Variants in CLSTN1 observed in about 807,000 individuals in gnomAD.
CLSTN1 encodes calsyntenin 1.
In CLSTN1, 28 loss-of-function variants were observed where a neutral mutation model predicts 108.3. The observed-to-expected ratio is 0.26, with a 90% CI of 0.19 to 0.35. The LOEUF is 0.35. CLSTN1 is among the 10% of genes least tolerant of loss of function. CLSTN1 has a pLI of 1.00. For missense variants in CLSTN1, 1,157 were observed against 1,302.6 expected, an observed-to-expected ratio of 0.89 and a Z score of 1.72; for synonymous variants, 524 against 534.9, an observed-to-expected ratio of 0.98 and a Z score of 0.28.
chr1:9,770,534 G>A (rs1364178062), intron 2 of CLSTN1, among the ~76,000 whole-genome samples: 1 of 152,162 alleles, frequency 6.6e-6, no homozygotes, highest in African/African-American at 2.4e-5. Flanking sequence ...CCCCCGACCA[G>A]CTACACGCCC....
intron 1 of CLSTN1, among the ~76,000 whole-genome samples, chr1:9,786,570 G>A (rs1653496587): frequency 6.6e-6 from 1 of 150,680 alleles, no homozygotes; most frequent in Non-Finnish European, 1.5e-5. Context: ...TTGGACCCGG[G>A]AGGTGGAGGT....
intron 1 of CLSTN1, among the ~76,000 whole-genome samples, chr1:9,809,235 G>A (rs938334341): frequency 2.0e-5 from 3 of 152,156 alleles, no homozygotes; most frequent in Non-Finnish European, 4.4e-5. Context: ...CAGCCCATCA[G>A]ACACACACCC....
In CLSTN1 at chr1:9,819,018, T is replaced by G. The variant is rs568485914; in HGVS notation, c.91+4625A>C. On this transcript the variant is annotated intron_variant, in intron 1 of 18. Transcript: ENST00000377298. ...ACCGTGTTAGCCAGGATGGTCTTGA[T>G]CTCCTGACCTCGTGATCCACCCACA... Among the ~76,000 whole-genome samples the G allele has an allele frequency of 1.5e-4, 23 of 151,558 alleles. No individual in the cohort carries two copies. The South Asian group carries it at 4.6e-3, about 30-fold the overall frequency.
intron 1 of CLSTN1, among the ~76,000 whole-genome samples, chr1:9,821,972 T>C (rs1246325278): frequency 6.6e-6 from 1 of 152,218 alleles, no homozygotes; most frequent in Non-Finnish European, 1.5e-5. Flanking sequence ...AGTTGAAATG[T>C]ATGCTGTTTA....
chr1:9,744,245 G>A (rs868216020), intron 8 of CLSTN1, 150 bp downstream of exon 8: 1 of 1,254,598 alleles, frequency 8.0e-7, no homozygotes, highest in Non-Finnish European at 1.1e-6. Flanking sequence ...CGTGGCTCTA[G>A]GGAACCAAGT....
chr1:9,793,363 G>C (rs1336233347), intron 1 of CLSTN1, among the ~76,000 whole-genome samples: 4 of 151,358 alleles, frequency 2.6e-5, no homozygotes, highest in Non-Finnish European at 5.9e-5. Context: ...AGATAGTAAA[G>C]AGCACGCCCC....
chr1:9,741,147 G>C lies in CLSTN1; in HGVS notation c.1466C>G (p.Pro489Arg). 2 of 1,614,078 alleles carry C rather than the reference G, an allele frequency of 1.2e-6. No homozygotes were observed. The highest frequency in any genetic ancestry group is 1.7e-6 in the Non-Finnish European group (2 of 1,180,002). Residue 489 changes from proline (P) to arginine (R), a missense_variant, in exon 10 of 19, where the codon CCG (proline) becomes CGG (arginine). By Grantham distance (103) the Pro-to-Arg change is moderately radical. Transcript: ENST00000377298. ...AGTTTCTATCTTGGATGGATGGAGC[G>C]GGTAATCCTCAGTCACAGAGAAGGG... The part of the protein sequence containing the change: ...HEPFSVTEDY[P>R]LHPSKIETQL...
rs1052864398 is a variant in CLSTN1 at position 9,729,357 on chromosome 1, C to G, written c.*1151G>C. On this transcript the variant is annotated 3_prime_UTR_variant, in exon 19 of 19. Transcript: ENST00000377298. ...CCATGACTGTTTGTTTGCTCTCCTG[C>G]CCTACCACCAAGCAAAGCAGCAGGG... 4 of 152,546 alleles carry G rather than the reference C, an allele frequency of 2.6e-5. No homozygotes were observed. The highest frequency in any genetic ancestry group is 4.4e-5 in the Non-Finnish European group (3 of 68,050). The allele number at this position is 152,546 out of a possible 1,614,324, so 9.4% of individuals were successfully genotyped here.
In CLSTN1 at chr1:9,744,463, G is replaced by A. The variant is rs1441242457; in HGVS notation, c.1166C>T (p.Ser389Leu). Residue 389 changes from serine (S) to leucine (L), a missense_variant, in exon 8 of 19, where the codon TCG (serine) becomes TTG (leucine). Coordinates refer to ENST00000377298, the MANE Select transcript of CLSTN1 (RefSeq NM_001009566.3). ...GAATGGCCCATGTCTCATCCACACCGAGATGGTGAACGGCTCTTTGGGGCT... is the reference window on the plus strand; with the variant it reads ...GAATGGCCCATGTCTCATCCACACCAAGATGGTGAACGGCTCTTTGGGGCT... The part of the protein sequence containing the change: ...SVSPKEPFTI[S>L]VWMRHGPFGR... The A allele has an allele frequency of 1.1e-5, 18 of 1,610,936 alleles. No homozygotes were observed. The highest frequency in any genetic ancestry group is 1.7e-5 in the Admixed American group (1 of 59,992).
rs75797805 is a variant in CLSTN1, at chr1:9,757,955, G to A, written c.215-1445C>T. Among the ~76,000 whole-genome samples the A allele has an allele frequency of 8.8e-3, 1,333 of 151,688 alleles. 14 individuals carry two copies. The highest frequency in any genetic ancestry group is 0.03 in the African/African-American group (1,243 of 41,338). On this transcript the variant is annotated intron_variant, in intron 2 of 18. Transcript: ENST00000377298. Reference sequence around the variant, plus strand: ...GTTGTTTCATTTTGCTTGGTTTTAAGGTTTTAAAAATGGTATCACATGGCA... The same window carrying A: ...GTTGTTTCATTTTGCTTGGTTTTAAAGTTTTAAAAATGGTATCACATGGCA...
intron 7 of CLSTN1, among the ~76,000 whole-genome samples, chr1:9,745,695 G>A (rs1651224325): frequency 6.7e-6 from 1 of 149,660 alleles, no homozygotes; most frequent in South Asian, 2.1e-4. Flanking sequence ...GTCCTGCTAT[G>A]TATGTGCATA....
At chr1:9,767,526 C>G (rs1652400506) in intron 2 of CLSTN1, among the ~76,000 whole-genome samples, 1 of 143,366 alleles carries the variant, frequency 7.0e-6, no homozygotes, top group African/African-American at 2.7e-5. Context: ...GCCTGGGCAA[C>G]AGAGCAAGAC....
chr1:9,735,908 C>T lies in CLSTN1; in HGVS notation c.1711G>A (p.Glu571Lys), dbSNP rs201640412. 1.6e-4 allele frequency: 263 copies of T among 1,614,110 alleles called. 1 individual carries two copies. The Middle Eastern group carries it at 2.1e-3, about 13-fold the overall frequency. The change falls in exon 12 of 19, where the codon GAA becomes AAA. Residue 571 changes from glutamate (E) to lysine (K), a missense_variant. Coordinates refer to ENST00000377298, the MANE Select transcript of CLSTN1 (RefSeq NM_001009566.3). ...ACCTGCACGCCTCTGCCACTGTCTT[C>T]GAGGACCTGCAGGTCCAGCCCCTCC... ...CKEGLDLQVL[E>K]DSGRGVQIQA...
intron 2 of CLSTN1, among the ~76,000 whole-genome samples, chr1:9,772,002 A>T (rs532197352): frequency 5.3e-5 from 8 of 149,710 alleles, no homozygotes; most frequent in Non-Finnish European, 1.0e-4. Flanking sequence ...TCTGAGACAG[A>T]GTCTCACTCT....
rs1401065770 is a variant in CLSTN1, at chr1:9,823,652, C to T, written c.82G>A (p.Ala28Thr). Residue 28 changes from alanine (A) to threonine (T), a missense_variant, in exon 1 of 19, where the codon GCC (alanine) becomes ACC (threonine). Physicochemically the swap from Ala to Thr is moderately conservative, Grantham distance 58. Coordinates refer to ENST00000377298, the MANE Select transcript of CLSTN1 (RefSeq NM_001009566.3). This position sits in a 1 kb window ranked among gnomAD's most constrained non-coding sequence, Gnocchi z 6.3. Reference sequence around the variant, plus strand: ...CAGCCCCGGGGCTTACCTCGCGCGGCCCAGACCCCGCCGCCGCACAGCAGC... The same window carrying T: ...CAGCCCCGGGGCTTACCTCGCGCGGTCCAGACCCCGCCGCCGCACAGCAGC... Reference protein sequence around the residue: ...AGLLCGGGVWAARVNKHKPWL... With the variant: ...AGLLCGGGVWTARVNKHKPWL... The T allele has an allele frequency of 8.5e-6, 10 of 1,178,960 alleles. No individual in the cohort carries two copies. The South Asian group carries it at 2.5e-4, about 30-fold the overall frequency. The allele number at this position is 1,178,960 out of a possible 1,614,324, so 73.0% of individuals were successfully genotyped here.
chr1:9,753,824 T>C (rs1053194810), intron 4 of CLSTN1, among the ~76,000 whole-genome samples: 1 of 151,700 alleles, frequency 6.6e-6, no homozygotes, highest in African/African-American at 2.4e-5. Flanking sequence ...GTTGTTATTG[T>C]TTTTTAGGGA....
At chr1:9,802,416 CAG>C (rs1383395926) in intron 1 of CLSTN1, among the ~76,000 whole-genome samples, 24 of 152,314 alleles carry the variant, frequency 1.6e-4, no homozygotes, top group African/African-American at 3.4e-4. Flanking sequence ...GTGATTTCAG[CAG>C]AGTGTGCAAA....
Position 9,755,327 on chromosome 1 carries a change from A to G in CLSTN1, c.245-18T>C. Reference sequence around the variant, plus strand: ...AATCTCACCTAGGGAGTCAAAGCAGAACAGGTAAGAATTCCTACCACATAG... The same window carrying G: ...AATCTCACCTAGGGAGTCAAAGCAGGACAGGTAAGAATTCCTACCACATAG... On this transcript the variant is annotated intron_variant, in intron 3 of 18. Transcript: ENST00000377298. 6.3e-7 allele frequency: 1 copy of G among 1,592,626 alleles called. No individual in the cohort carries two copies. Among genetic ancestry groups the G allele is most frequent in the Non-Finnish European group, 8.6e-7 (1 of 1,163,938 alleles).
chr1:9,735,847 G>C, intron 12 of CLSTN1, 38 bp downstream of exon 12: 5 of 1,610,300 alleles, frequency 3.1e-6, no homozygotes, highest in Non-Finnish European at 4.2e-6. Context: ...TAGTCTAAGG[G>C]GCCCATGAGT....
Sources: allele counts gnomAD v4.1 joint callset (sites outside exome capture counted in the v4.1 genomes callset), GRCh38; gene constraint gnomAD v4.1.1; non-coding constraint Gnocchi (gnomAD v3.1); transcripts MANE v1.5; gene names NCBI Gene and HGNC (gene_info 2026-07-23, HGNC 2026-07-21).